Variants in C6orf52 observed in about 807,000 individuals in gnomAD.
C6orf52 encodes the protein chromosome 6 open reading frame 52.
Under a neutral mutation model 16.6 loss-of-function variants are expected in C6orf52, and 16 were observed. The ratio of observed to expected loss-of-function variants is 0.96; its 90% CI spans 0.65 to 1.46. The LOEUF is 1.46. Ranked by LOEUF, C6orf52 falls within the 40% of genes most tolerant of loss-of-function variation. C6orf52 has a pLI of 0.00. For missense variants in C6orf52, 166 were observed against 182.3 expected (o/e 0.91, Z 0.52); for synonymous variants, 53 against 61.4 (o/e 0.86, Z 0.64).
intron 1 of C6orf52, among the ~76,000 whole-genome samples, chr6:10,687,809 C>T (rs955245973): frequency 6.6e-5 from 10 of 152,162 alleles, no homozygotes; most frequent in African/African-American, 2.4e-4. Flanking sequence ...CTTCCACCTG[C>T]CAGCCCCTCT....
intron 4 of C6orf52, among the ~76,000 whole-genome samples, chr6:10,677,374 G>C (rs1767986306): frequency 6.6e-6 from 1 of 151,554 alleles, no homozygotes; most frequent in Non-Finnish European, 1.5e-5. Context: ...ATTGGTTTAT[G>C]TGTCTGTTAT....
chr6:10,678,183 T>TAAAAAA (rs377733205), intron 4 of C6orf52, among the ~76,000 whole-genome samples: 1 of 101,608 alleles, frequency 9.8e-6, no homozygotes, highest in Non-Finnish European at 2.0e-5. Context: ...GAGACTGTCT[T>TAAAAAA]AAAAAAAAAA....
At chr6:10,679,553 A>G (rs1768184761) in intron 4 of C6orf52, among the ~76,000 whole-genome samples, 1 of 150,824 alleles carries the variant, frequency 6.6e-6, no homozygotes, top group Non-Finnish European at 1.5e-5. Flanking sequence ...GGGCTGCCAT[A>G]AACTTCTAAC....
rs1018135823 is a variant in C6orf52, at chr6:10,690,280, C to A, written c.-11-2719G>T. Among the ~76,000 whole-genome samples the A allele has an allele frequency of 3.9e-5, 6 of 152,104 alleles. No homozygotes were observed. In the South Asian group the frequency reaches 6.2e-4, roughly 16 times the overall value. Reference sequence around the variant, plus strand: ...GCTCACTAAAAGCCCCAAATGCAAACCTTCTGTTTCAACTAGATTACTCCC... The same window carrying A: ...GCTCACTAAAAGCCCCAAATGCAAAACTTCTGTTTCAACTAGATTACTCCC... On this transcript the variant is annotated intron_variant, in intron 1 of 4. Transcript: ENST00000259983.
chr6:10,692,789 G>C (rs1016743755), intron 1 of C6orf52, among the ~76,000 whole-genome samples: 3 of 152,148 alleles, frequency 2.0e-5, no homozygotes, highest in African/African-American at 4.8e-5. Context: ...CTCGCAAAGT[G>C]CTGGGATTAC....
intron 4 of C6orf52, among the ~76,000 whole-genome samples, chr6:10,674,394 T>C (rs1767686868): frequency 6.6e-6 from 1 of 152,206 alleles, no homozygotes; most frequent in Admixed American, 6.5e-5. Context: ...GTTCTTTAAT[T>C]TGGCTACTAA....
chr6:10,686,664 T>G (rs1344785476), intron 3 of C6orf52, among the ~76,000 whole-genome samples: 1 of 152,230 alleles, frequency 6.6e-6, no homozygotes, highest in East Asian at 1.9e-4. Flanking sequence ...TAGCTTTTTG[T>G]GTTGTTTCTA....
At chr6:10,678,324 C>T (rs573384774) in intron 4 of C6orf52, among the ~76,000 whole-genome samples, 2 of 151,950 alleles carry the variant, frequency 1.3e-5, no homozygotes, top group Non-Finnish European at 2.9e-5. Flanking sequence ...TTTCTTCCAT[C>T]AACACTTTAT....
chr6:10,692,444 A>G (rs529068952), intron 1 of C6orf52, among the ~76,000 whole-genome samples: 5 of 152,270 alleles, frequency 3.3e-5, no homozygotes, highest in Admixed American at 6.5e-5. Flanking sequence ...CAAAGTAAAG[A>G]AAGAATGACT....
chr6:10,692,313 T>TA (rs1186738810), intron 1 of C6orf52, among the ~76,000 whole-genome samples: 9 of 152,204 alleles, frequency 5.9e-5, no homozygotes, highest in Admixed American at 5.2e-4. Context: ...AGAGGACACT[T>TA]ACTTCACACT....
rs975601774 is a variant in C6orf52 at position 10,694,607 on chromosome 6, G to T, written c.-125C>A. Reference sequence around the variant, plus strand: ...CGGCGCTACAGCCCCTAAGCAACCGGCCGGAAGTCGGCCCCACCTCCTCCT... The same window carrying T: ...CGGCGCTACAGCCCCTAAGCAACCGTCCGGAAGTCGGCCCCACCTCCTCCT... On this transcript the variant is annotated 5_prime_UTR_variant, in exon 1 of 5. Transcript: ENST00000259983. The T allele has an allele frequency of 1.0e-5, 2 of 197,422 alleles. No individual in the cohort carries two copies. Among genetic ancestry groups the T allele is most frequent in the Non-Finnish European group, 2.2e-5 (2 of 92,830 alleles). 12.2% of individuals were successfully genotyped at this position (197,422 alleles called of 1,614,324 possible). A position where few individuals can be genotyped will look rare whatever the true frequency, so the allele number is the denominator to read the frequency against.
intron 4 of C6orf52, among the ~76,000 whole-genome samples, chr6:10,682,961 T>C (rs975622568): frequency 1.3e-5 from 2 of 152,268 alleles, no homozygotes; most frequent in African/African-American, 4.8e-5. Flanking sequence ...TGTTTGGGAA[T>C]GTCCCCCTTT....
At chr6:10,672,825 A>G (rs1023222903) in intron 4 of C6orf52, among the ~76,000 whole-genome samples, 4 of 152,176 alleles carry the variant, frequency 2.6e-5, no homozygotes, top group Non-Finnish European at 4.4e-5. Flanking sequence ...CAGCCTCCAG[A>G]ATGGTAAGAA....
At chr6:10,682,669 G>C (rs1455659449) in intron 4 of C6orf52, among the ~76,000 whole-genome samples, 1 of 152,178 alleles carries the variant, frequency 6.6e-6, no homozygotes, top group African/African-American at 2.4e-5. Context: ...CTTAAAAGAA[G>C]CAAAACATTT....
At position 10,692,204 on chromosome 6, in the gene C6orf52, A is replaced by G. The variant is rs115375517; in HGVS notation, c.-12+2290T>C. ...GGGTGTAACACTTTTGCATTAAAATAAACAGATATGTTGTGGAGTAAAATG... is the reference window on the plus strand; with the variant it reads ...GGGTGTAACACTTTTGCATTAAAATGAACAGATATGTTGTGGAGTAAAATG... On this transcript the variant is annotated intron_variant, in intron 1 of 4. Transcript: ENST00000259983. 5.8e-3 allele frequency among the ~76,000 whole-genome samples: 877 copies of G among 152,312 alleles called. 8 individuals carry two copies. Among genetic ancestry groups the G allele is most frequent in the African/African-American group, 0.02 (832 of 41,570 alleles).
intron 4 of C6orf52, chr6:10,672,673 G>A (rs1767537415): frequency 1.5e-6 from 1 of 667,182 alleles, no homozygotes; most frequent in Non-Finnish European, 2.7e-6. Context: ...TAAAAAAAGA[G>A]CAGAGAACTT....
chr6:10,678,785 A>T (rs1050678241), intron 4 of C6orf52, among the ~76,000 whole-genome samples: 1 of 152,056 alleles, frequency 6.6e-6, no homozygotes, highest in African/African-American at 2.4e-5. Flanking sequence ...CTCTGTTTTT[A>T]AAAAAATTTT....
At chr6:10,671,644 A>T in intron 4 of C6orf52, 46 bp from the exon 5 acceptor site, 1 of 1,289,076 alleles carries the variant, frequency 7.8e-7, no homozygotes, top group Non-Finnish European at 1.1e-6. Context: ...GTTTTACAGG[A>T]CACATACTAG....
At position 10,685,211 on chromosome 6, in the gene C6orf52, G is replaced by A. The variant is rs74655414; in HGVS notation, c.270+1755C>T. On this transcript the variant is annotated intron_variant, in intron 3 of 4. Transcript: ENST00000259983. Reference sequence around the variant, plus strand: ...AAGGGTAACCACCAAAAGACAGACCGTCTCCCAAAAAAGAGCAAAAAGAGA... The same window carrying A: ...AAGGGTAACCACCAAAAGACAGACCATCTCCCAAAAAAGAGCAAAAAGAGA... Among the ~76,000 whole-genome samples the A allele has an allele frequency of 9.1e-3, 1,324 of 145,242 alleles. 10 individuals carry two copies. Among genetic ancestry groups the A allele is most frequent in the Non-Finnish European group, 0.015 (1,002 of 67,172 alleles).
Sources: allele counts gnomAD v4.1 joint callset (sites outside exome capture counted in the v4.1 genomes callset), GRCh38; gene constraint gnomAD v4.1.1; transcripts MANE v1.5; gene names NCBI Gene and HGNC (gene_info 2026-07-23, HGNC 2026-07-21).